The following TNFAIP8 variants were observed in gnomAD, a reference collection of about 807,000 sequenced individuals.
TNFAIP8 encodes the protein tumor necrosis factor alpha-induced protein 8.
Under a neutral mutation model 13.3 loss-of-function variants are expected in TNFAIP8, and 7 were observed. The ratio of observed to expected loss-of-function variants is 0.52; its 90% CI spans 0.30 to 0.99. The LOEUF (loss-of-function observed/expected upper bound fraction) is 0.99, where lower values mean the gene tolerates loss of function less well. Among genes scored for constraint, TNFAIP8 ranks in the 50% least tolerant of loss-of-function variants. The pLI, the probability that TNFAIP8 is intolerant of heterozygous loss-of-function variation, is 0.07. For synonymous variants in TNFAIP8, 94 were observed against 87.6 expected (o/e 1.07, Z -0.41); for missense variants, 258 against 236.9 (o/e 1.09, Z -0.58).
At chr5:119,301,007 G>A (rs1459705895) in intron 1 of TNFAIP8, among the ~76,000 whole-genome samples, 1 of 152,156 alleles carries the variant, frequency 6.6e-6, no homozygotes, top group East Asian at 1.9e-4. Context: ...GCTTTGATTT[G>A]AAGGTAGTGG....
intron 1 of TNFAIP8, among the ~76,000 whole-genome samples, chr5:119,330,539 C>T (rs1418859046): frequency 6.6e-6 from 1 of 152,148 alleles, no homozygotes; most frequent in Non-Finnish European, 1.5e-5. Flanking sequence ...CTCATGGCCT[C>T]TCCTCTCAGC....
At chr5:119,340,688 G>C (rs1177689388) in intron 1 of TNFAIP8, among the ~76,000 whole-genome samples, 2 of 152,176 alleles carry the variant, frequency 1.3e-5, no homozygotes, top group Non-Finnish European at 2.9e-5. Flanking sequence ...TAGGGGTGGG[G>C]ACTTTGGTCC....
At chr5:119,320,965 C>T (rs1215064733) in intron 1 of TNFAIP8, among the ~76,000 whole-genome samples, 2 of 152,062 alleles carry the variant, frequency 1.3e-5, no homozygotes, top group African/African-American at 2.4e-5. Flanking sequence ...GCCTGTAATC[C>T]CAACACTCCG....
intron 1 of TNFAIP8, chr5:119,391,388 T>C (rs977112736): frequency 5.0e-5 from 35 of 702,250 alleles, no homozygotes; most frequent in Non-Finnish European, 8.8e-5. Context: ...CACTGGCATA[T>C]ATGGAGAGAA....
At chr5:119,372,289 A>G (rs1580433281) in intron 1 of TNFAIP8, among the ~76,000 whole-genome samples, 1 of 147,992 alleles carries the variant, frequency 6.8e-6, no homozygotes, top group South Asian at 2.1e-4. Flanking sequence ...GTGCCACTTC[A>G]CTCCAGCTTA....
At chr5:119,325,518 G>A (rs952905433) in intron 1 of TNFAIP8, among the ~76,000 whole-genome samples, 1 of 152,226 alleles carries the variant, frequency 6.6e-6, no homozygotes, top group Non-Finnish European at 1.5e-5. Flanking sequence ...TGCGATCTCA[G>A]CTCACTGCAA....
intron 1 of TNFAIP8, among the ~76,000 whole-genome samples, chr5:119,295,235 A>G (rs1267949267): frequency 2.1e-5 from 1 of 47,266 alleles, no homozygotes; most frequent in Non-Finnish European, 3.8e-5. Context: ...CGTTAGACCT[A>G]TAGGTCTAAC....
At position 119,378,584 on chromosome 5, in the gene TNFAIP8, A is replaced by T. The variant is rs182686786; in HGVS notation, c.32-14232A>T. Reference sequence around the variant, plus strand: ...GCCAAGAGGTTACTGCTCCTAAAATATTCAAACAGATGGGTTTGGGATCTT... The same window carrying T: ...GCCAAGAGGTTACTGCTCCTAAAATTTTCAAACAGATGGGTTTGGGATCTT... On this transcript the variant is annotated intron_variant, in intron 1 of 1. Transcript: ENST00000504771. Among the ~76,000 whole-genome samples the T allele has an allele frequency of 1.2e-4, 18 of 152,346 alleles. No homozygotes were observed. In the East Asian group the frequency reaches 3.3e-3, roughly 28 times the overall value.
intron 1 of TNFAIP8, among the ~76,000 whole-genome samples, chr5:119,276,019 G>A (rs532338937): frequency 1.7e-4 from 26 of 152,174 alleles, no homozygotes; most frequent in Admixed American, 7.2e-4. Flanking sequence ...GTGACTTGCG[G>A]AGACAGGTGG....
At chr5:119,297,150 T>G (rs1439712352) in intron 1 of TNFAIP8, among the ~76,000 whole-genome samples, 1 of 152,216 alleles carries the variant, frequency 6.6e-6, no homozygotes, top group East Asian at 1.9e-4. Flanking sequence ...TCTGCTAGCT[T>G]TTGAATGTGT....
chr5:119,377,711 C>T (rs1436053246), intron 1 of TNFAIP8, among the ~76,000 whole-genome samples: 6 of 152,122 alleles, frequency 3.9e-5, no homozygotes, highest in Non-Finnish European at 8.8e-5. Context: ...ACCTTGCAAA[C>T]CCCTCGTTAG....
At chr5:119,349,031 C>T (rs1751021299) in intron 1 of TNFAIP8, among the ~76,000 whole-genome samples, 1 of 152,124 alleles carries the variant, frequency 6.6e-6, no homozygotes, top group East Asian at 1.9e-4. Context: ...TGATGTCGTG[C>T]TGTCCTGGCC....
Position 119,398,275 on chromosome 5 carries a change from C to T in TNFAIP8, c.*4894C>T. 1 of 152,152 alleles carries T rather than the reference C, an allele frequency of 6.6e-6. No individual in the cohort carries two copies. The highest frequency in any genetic ancestry group is 1.9e-4 in the East Asian group (1 of 5,204). The allele number at this position is 152,152 out of a possible 1,614,324, so 9.4% of individuals were successfully genotyped here. On this transcript the variant is annotated 3_prime_UTR_variant, in exon 2 of 2. Transcript: ENST00000504771. ...AGGCACTTGCGGTTTGTTCTTAATACAAGAAAGACAATTTGATTTTTAAAA... is the reference window on the plus strand; with the variant it reads ...AGGCACTTGCGGTTTGTTCTTAATATAAGAAAGACAATTTGATTTTTAAAA...
At chr5:119,299,139 G>A (rs184453367) in intron 1 of TNFAIP8, among the ~76,000 whole-genome samples, 19 of 152,254 alleles carry the variant, frequency 1.2e-4, no homozygotes, top group Admixed American at 7.8e-4. Context: ...GCTTTGTTCC[G>A]TTCCTGGTGA....
chr5:119,303,053 G>C (rs1162585864), intron 1 of TNFAIP8, among the ~76,000 whole-genome samples: 1 of 152,092 alleles, frequency 6.6e-6, no homozygotes, highest in Non-Finnish European at 1.5e-5. Flanking sequence ...CTCCCTGTTA[G>C]AAAGACTCCC....
chr5:119,299,644 C>G (rs1187137913), intron 1 of TNFAIP8, among the ~76,000 whole-genome samples: 2 of 152,224 alleles, frequency 1.3e-5, no homozygotes, highest in African/African-American at 4.8e-5. Flanking sequence ...TCAAAGCTGT[C>G]AGACAGGGAC....
chr5:119,308,755 G>A (rs1361439159), intron 1 of TNFAIP8, among the ~76,000 whole-genome samples: 1 of 151,606 alleles, frequency 6.6e-6, no homozygotes, highest in East Asian at 1.9e-4. Flanking sequence ...CCAGCTACTC[G>A]GGAGGCTGAG....
chr5:119,309,337 T>G, intron 1 of TNFAIP8, among the ~76,000 whole-genome samples: 1 of 152,174 alleles, frequency 6.6e-6, no homozygotes, highest in Non-Finnish European at 1.5e-5. Flanking sequence ...TAGTTTTTAT[T>G]TGTTAAAGGA....
At chr5:119,355,469 T>C (rs1424013416), upstream of TNFAIP8, 2 of 661,918 alleles carry the variant, frequency 3.0e-6, no homozygotes, top group African/African-American at 1.8e-5. Flanking sequence ...CTTAAGCTGG[T>C]CCTTGCAACC....
Sources: allele counts gnomAD v4.1 joint callset (sites outside exome capture counted in the v4.1 genomes callset), GRCh38; gene constraint gnomAD v4.1.1; transcripts MANE v1.5; gene names NCBI Gene and HGNC (gene_info 2026-07-23, HGNC 2026-07-21).